UBE4B: variants seen among roughly 807,000 people sequenced by gnomAD.
The protein encoded by UBE4B is ubiquitin conjugation factor E4 B.
A neutral mutation model predicts 148.1 loss-of-function variants in UBE4B; 27 were observed. That is an observed-to-expected ratio of 0.18 (90% CI 0.13 to 0.25). The LOEUF is 0.25. UBE4B is among the 10% of genes least tolerant of loss of function. UBE4B has a pLI of 1.00. For missense variants in UBE4B, 1,170 were observed against 1,662.4 expected (o/e 0.70, Z 5.15); for synonymous variants, 596 against 619.3 (o/e 0.96, Z 0.56).
At chr1:10,060,394 T>C (rs1451268791) in intron 1 of UBE4B, among the ~76,000 whole-genome samples, 3 of 152,136 alleles carry the variant, frequency 2.0e-5, no homozygotes, top group Admixed American at 1.3e-4. Flanking sequence ...AGTTTTTGTG[T>C]ATCTAAACAT....
At chr1:10,122,993 TA>T (rs918958108) in intron 10 of UBE4B, among the ~76,000 whole-genome samples, 2 of 152,204 alleles carry the variant, frequency 1.3e-5, no homozygotes, top group Admixed American at 6.5e-5. Flanking sequence ...GATCCAAGAA[TA>T]AAAATTCCAG....
intron 3 of UBE4B, among the ~76,000 whole-genome samples, chr1:10,099,399 A>C (rs1022979298): frequency 1.3e-5 from 2 of 152,348 alleles, no homozygotes; most frequent in South Asian, 4.1e-4. Context: ...TTTCATTAAA[A>C]AGTATTAACA....
intron 1 of UBE4B, among the ~76,000 whole-genome samples, chr1:10,044,050 T>C (rs924533073): frequency 2.0e-5 from 3 of 152,048 alleles, no homozygotes; most frequent in East Asian, 1.9e-4. Flanking sequence ...CTTTTCTTTT[T>C]TTTTTGGAGA....
chr1:10,112,730 AC>A (rs1391410540), intron 7 of UBE4B, among the ~76,000 whole-genome samples: 2 of 152,224 alleles, frequency 1.3e-5, no homozygotes, highest in Non-Finnish European at 2.9e-5. Flanking sequence ...CTTCAGTATC[AC>A]ACTCAAAATT....
intron 25 of UBE4B, among the ~76,000 whole-genome samples, chr1:10,178,022 T>C (rs1186821488): frequency 6.6e-6 from 1 of 152,084 alleles, no homozygotes; most frequent in Non-Finnish European, 1.5e-5. Flanking sequence ...CTTCCCTTCC[T>C]GGGGACATAA....
In UBE4B at chr1:10,135,145, A is replaced by G. The variant is rs1355134346; in HGVS notation, c.2183A>G (p.Asn728Ser). Residue 728 changes from asparagine to serine, a missense_variant, in exon 16 of 28, where the codon AAT (asparagine) becomes AGT (serine). Physicochemically the swap from Asn to Ser is conservative, Grantham distance 46. Coordinates refer to ENST00000343090, the MANE Select transcript of UBE4B (RefSeq NM_001105562.3). The part of the protein sequence containing the change: ...ITLPNDETRV[N>S]ATMEDVNDWL... ...CTTCCCAATGATGAGACGCGTGTGA[A>G]TGCAACGATGGAAGATGTGAATGAC... The G allele has an allele frequency of 6.2e-7, 1 of 1,613,892 alleles. No individual in the cohort carries two copies. The highest frequency in any genetic ancestry group is 1.3e-5 in the African/African-American group (1 of 74,904).
intron 1 of UBE4B, among the ~76,000 whole-genome samples, chr1:10,069,885 A>G (rs746416517): frequency 3.9e-5 from 6 of 152,312 alleles, no homozygotes; most frequent in Non-Finnish European, 8.8e-5. Flanking sequence ...TAAGTGACTT[A>G]TCTGGATAGG....
intron 17 of UBE4B, among the ~76,000 whole-genome samples, chr1:10,139,376 G>A (rs943793972): frequency 2.0e-5 from 3 of 151,798 alleles, no homozygotes; most frequent in Admixed American, 6.6e-5. Context: ...GAGCAAGAGT[G>A]AGACTCTGTC....
chr1:10,174,629 G>A (rs1646389251), intron 25 of UBE4B, among the ~76,000 whole-genome samples: 1 of 151,570 alleles, frequency 6.6e-6, no homozygotes, highest in South Asian at 2.1e-4. Flanking sequence ...TTGAACCTGG[G>A]AGGTGGAGGT....
chr1:10,074,882 T>C (rs183790914), intron 2 of UBE4B, among the ~76,000 whole-genome samples: 1 of 152,224 alleles, frequency 6.6e-6, no homozygotes, highest in South Asian at 2.1e-4. Context: ...TCCTAAGCTT[T>C]TATCTCCAAC....
intron 3 of UBE4B, chr1:10,100,832 G>A (rs1164220822): frequency 6.0e-6 from 2 of 331,202 alleles, no homozygotes; most frequent in Non-Finnish European, 1.1e-5. Context: ...GGGATTACAG[G>A]CGTGAGCCAC....
intron 7 of UBE4B, among the ~76,000 whole-genome samples, chr1:10,109,882 C>T (rs1031799865): frequency 6.6e-6 from 1 of 152,108 alleles, no homozygotes; most frequent in African/African-American, 2.4e-5. Context: ...AACTCCACAC[C>T]TCAGGTGATC....
intron 2 of UBE4B, among the ~76,000 whole-genome samples, chr1:10,076,869 C>T (rs745677423): frequency 6.6e-6 from 1 of 151,264 alleles, no homozygotes; most frequent in Admixed American, 6.6e-5. Context: ...ACCTCAGCCT[C>T]CCGATTAGCT....
intron 7 of UBE4B, among the ~76,000 whole-genome samples, chr1:10,115,319 G>C (rs1032600903): frequency 1.3e-5 from 2 of 151,470 alleles, no homozygotes; most frequent in African/African-American, 4.9e-5. Flanking sequence ...CCAGGCTGGA[G>C]TGCAGTTGTG....
chr1:10,158,311 G>A (rs372949804), intron 21 of UBE4B, 45 bp from the exon 22 acceptor site: 1 of 1,594,704 alleles, frequency 6.3e-7, no homozygotes, highest in African/African-American at 1.3e-5. Context: ...GATTTGGAAA[G>A]CAAGAAAATA....
In UBE4B at chr1:10,180,882, G is replaced by A. The variant is rs922739524; in HGVS notation, c.*926G>A. ...TAAATCAATTCTTCAACCCTTGGGTGTGTGAGTTTGAGGCAGGGTCATTTG... is the reference window on the plus strand; with the variant it reads ...TAAATCAATTCTTCAACCCTTGGGTATGTGAGTTTGAGGCAGGGTCATTTG... On this transcript the variant is annotated 3_prime_UTR_variant, in exon 28 of 28. Transcript: ENST00000343090. The A allele has an allele frequency of 2.0e-5, 3 of 152,368 alleles. No homozygotes were observed. Among genetic ancestry groups the A allele is most frequent in the African/African-American group, 7.3e-5 (3 of 41,360 alleles). 9.4% of individuals were successfully genotyped at this position (152,368 alleles called of 1,614,324 possible).
At chr1:10,069,889 G>A (rs551737400) in intron 1 of UBE4B, among the ~76,000 whole-genome samples, 8 of 152,214 alleles carry the variant, frequency 5.3e-5, no homozygotes, top group African/African-American at 1.9e-4. Context: ...TGACTTATCT[G>A]GATAGGCTCC....
intron 25 of UBE4B, 69 bp from the exon 26 acceptor site, chr1:10,178,575 A>G: frequency 1.4e-6 from 2 of 1,479,000 alleles, no homozygotes; most frequent in Non-Finnish European, 1.8e-6. Flanking sequence ...TACTTTGGAT[A>G]TTTTCTGCAG....
At chr1:10,067,712 T>C (rs922183309) in intron 1 of UBE4B, among the ~76,000 whole-genome samples, 47 of 151,900 alleles carry the variant, frequency 3.1e-4, no homozygotes, top group African/African-American at 1.1e-3. Context: ...ACTCAGGTGA[T>C]CCTCCCATCT....
Sources: gnomAD v4.1 joint callset for allele counts (sites outside exome capture counted in the v4.1 genomes callset) on GRCh38, gnomAD v4.1.1 for gene constraint, MANE v1.5 for transcripts, NCBI Gene and HGNC (gene_info 2026-07-23, HGNC 2026-07-21) for gene names.